The following IGSF21 variants were observed in gnomAD, a reference collection of about 807,000 sequenced individuals.
IGSF21 encodes immunoglobulin superfamily member 21.
IGSF21 carries 28 observed loss-of-function variants against 46.8 expected under a neutral mutation model. That is an observed-to-expected ratio of 0.60 (90% CI 0.44 to 0.82). The LOEUF (loss-of-function observed/expected upper bound fraction) is 0.82, where lower values mean the gene tolerates loss of function less well. IGSF21 is among the 40% of genes least tolerant of loss of function. The pLI is 0.00. For synonymous variants in IGSF21, 284 were observed against 273.6 expected (o/e 1.04, Z -0.38); for missense variants, 624 against 665.5 (o/e 0.94, Z 0.69).
intron 3 of IGSF21, among the ~76,000 whole-genome samples, chr1:18,308,126 G>T (rs535578812): frequency 6.6e-6 from 1 of 152,018 alleles, no homozygotes; most frequent in Non-Finnish European, 1.5e-5. Context: ...CTGGAGGGAG[G>T]GGCCATGTCC....
chr1:18,227,766 T>C (rs2084583171), intron 1 of IGSF21, 132 bp from the exon 2 acceptor site: 1 of 669,414 alleles, frequency 1.5e-6, no homozygotes, highest in South Asian at 1.6e-5. Context: ...GTGAACAGCG[T>C]CCCTCAAAGT....
Position 18,217,433 on chromosome 1 carries a change from C to T in IGSF21, c.71-10465C>T, listed in dbSNP as rs2084460707. Among the ~76,000 whole-genome samples, 3 of 152,232 alleles carry T rather than the reference C, an allele frequency of 2.0e-5. No individual in the cohort carries two copies. In the South Asian group the frequency reaches 6.2e-4, roughly 32 times the overall value. On this transcript the variant is annotated intron_variant, in intron 1 of 9. Transcript: ENST00000251296. Reference sequence around the variant, plus strand: ...CTGGTCCTGAGCTAGGTTCAGAGGACTGTGTGTCAGAGATGTGGCGGAACA... The same window carrying T: ...CTGGTCCTGAGCTAGGTTCAGAGGATTGTGTGTCAGAGATGTGGCGGAACA...
chr1:18,233,414 T>C (rs2084646176), intron 2 of IGSF21, among the ~76,000 whole-genome samples: 1 of 152,202 alleles, frequency 6.6e-6, no homozygotes, highest in Admixed American at 6.5e-5. Context: ...GACTAGAGGC[T>C]GGGAAGGCTG....
Position 18,161,732 on chromosome 1 carries a change from T to G in IGSF21, c.70+53534T>G, listed in dbSNP as rs141746764. On this transcript the variant is annotated intron_variant, in intron 1 of 9. Coordinates refer to ENST00000251296, the MANE Select transcript of IGSF21 (RefSeq NM_032880.5). Reference sequence around the variant, plus strand: ...AGACAGATGTGCTCCCAACTTACACTGATACAGTCTCGCGTGGCGGTGGGA... The same window carrying G: ...AGACAGATGTGCTCCCAACTTACACGGATACAGTCTCGCGTGGCGGTGGGA... Among the ~76,000 whole-genome samples, 449 of 152,204 alleles carry G rather than the reference T, an allele frequency of 2.9e-3. 1 individual carries two copies. The highest frequency in any genetic ancestry group is 0.01 in the African/African-American group (419 of 41,526).
intron 6 of IGSF21, among the ~76,000 whole-genome samples, chr1:18,368,493 A>G (rs2086190156): frequency 6.8e-6 from 1 of 147,648 alleles, no homozygotes. Flanking sequence ...CCTAGGTGAT[A>G]GAGTGAGACT....
At chr1:18,121,572 C>T (rs896135866) in intron 1 of IGSF21, among the ~76,000 whole-genome samples, 1 of 152,178 alleles carries the variant, frequency 6.6e-6, no homozygotes, top group Non-Finnish European at 1.5e-5. Flanking sequence ...TCTTCCCTGG[C>T]TCATTCTCTA....
At chr1:18,215,630 G>A (rs914902466) in intron 1 of IGSF21, among the ~76,000 whole-genome samples, 1 of 152,192 alleles carries the variant, frequency 6.6e-6, no homozygotes, top group African/African-American at 2.4e-5. Context: ...CCAGTGGCCC[G>A]ATGCAGCCTG....
intron 4 of IGSF21, among the ~76,000 whole-genome samples, chr1:18,354,027 A>G (rs2085988196): frequency 3.3e-5 from 5 of 152,254 alleles, no homozygotes; most frequent in Admixed American, 3.3e-4. Context: ...TCCAACTTCC[A>G]GGGAACACGC....
At chr1:18,349,482 A>G (rs1557655151) in intron 4 of IGSF21, among the ~76,000 whole-genome samples, 1 of 152,164 alleles carries the variant, frequency 6.6e-6, no homozygotes. Flanking sequence ...AGGCTGGTGA[A>G]GAGATAGGAC....
At chr1:18,295,809 G>A (rs1380414922) in intron 3 of IGSF21, among the ~76,000 whole-genome samples, 2 of 152,206 alleles carry the variant, frequency 1.3e-5, no homozygotes, top group African/African-American at 2.4e-5. Context: ...ACGCCACCCC[G>A]GGAGCAGCCT....
At chr1:18,333,214 A>G (rs1317689571) in intron 3 of IGSF21, among the ~76,000 whole-genome samples, 1 of 152,178 alleles carries the variant, frequency 6.6e-6, no homozygotes, top group Non-Finnish European at 1.5e-5. Flanking sequence ...ATCCCTTCCC[A>G]TAGTTTTCTG....
intron 3 of IGSF21, among the ~76,000 whole-genome samples, chr1:18,295,094 T>C (rs2085300166): frequency 6.6e-6 from 1 of 152,154 alleles, no homozygotes; most frequent in Non-Finnish European, 1.5e-5. Context: ...CAAGGACTCC[T>C]GGAGCTTTTT....
At position 18,177,245 on chromosome 1, in the gene IGSF21, GC is replaced by G. The variant is rs143505040; in HGVS notation, c.71-50652del. On this transcript the variant is annotated intron_variant, in intron 1 of 9. Coordinates refer to ENST00000251296, the MANE Select transcript of IGSF21 (RefSeq NM_032880.5). Reference sequence around the variant, plus strand: ...AGAGTCAGTAATAATCCAATAATGGGCACTTTCTGAAGGACTCAGACAACAG... The same window carrying G: ...AGAGTCAGTAATAATCCAATAATGGGACTTTCTGAAGGACTCAGACAACAG... Among the ~76,000 whole-genome samples, 936 of 152,342 alleles carry G rather than the reference GC, an allele frequency of 6.1e-3. 9 individuals carry two copies. Among genetic ancestry groups the G allele is most frequent in the African/African-American group, 0.022 (895 of 41,574 alleles).
intron 2 of IGSF21, among the ~76,000 whole-genome samples, chr1:18,287,616 T>C (rs541833071): frequency 6.6e-6 from 1 of 152,310 alleles, no homozygotes; most frequent in South Asian, 2.1e-4. Context: ...CCTTGTCACC[T>C]CTGTGGTTGT....
In IGSF21 at chr1:18,346,428, A is replaced by G. The variant is rs74058119; in HGVS notation, c.424+11418A>G. ...GGCGTAGAGGAAATGCTTGGCCCAG[A>G]TGCTGGCATCATTGTTAGGACAGGG... On this transcript the variant is annotated intron_variant, in intron 4 of 9. Transcript: ENST00000251296. Among the ~76,000 whole-genome samples, 1,517 of 152,240 alleles carry G rather than the reference A, an allele frequency of 1.0e-2. 25 individuals carry two copies. The highest frequency in any genetic ancestry group is 0.033 in the African/African-American group (1,384 of 41,534).
intron 2 of IGSF21, among the ~76,000 whole-genome samples, chr1:18,285,620 A>G (rs2085205633): frequency 6.6e-6 from 1 of 152,106 alleles, no homozygotes; most frequent in Admixed American, 6.6e-5. Flanking sequence ...GCCTCTCAGA[A>G]ACTTCTACAC....
At chr1:18,270,761 C>T (rs1296479353) in intron 2 of IGSF21, among the ~76,000 whole-genome samples, 1 of 152,058 alleles carries the variant, frequency 6.6e-6, no homozygotes, top group African/African-American at 2.4e-5. Context: ...TCCTTCACAT[C>T]AGTGTCCATC....
Position 18,177,440 on chromosome 1 carries a change from T to C in IGSF21, c.71-50458T>C, listed in dbSNP as rs572236094. Among the ~76,000 whole-genome samples the C allele has an allele frequency of 5.9e-4, 90 of 151,410 alleles. 4 individuals carry two copies. The South Asian group carries it at 0.017, about 29-fold the overall frequency. On this transcript the variant is annotated intron_variant, in intron 1 of 9. Coordinates refer to ENST00000251296, the MANE Select transcript of IGSF21 (RefSeq NM_032880.5). Reference sequence around the variant, plus strand: ...GTGTGTGTGTGTGTGTGTGTGTACATGGTTCTTGGTACATATGCATAAACC... The same window carrying C: ...GTGTGTGTGTGTGTGTGTGTGTACACGGTTCTTGGTACATATGCATAAACC...
intron 1 of IGSF21, among the ~76,000 whole-genome samples, chr1:18,210,179 C>T (rs745744060): frequency 7.9e-5 from 12 of 152,050 alleles, no homozygotes; most frequent in Non-Finnish European, 1.5e-4. Flanking sequence ...ATATGAAGAC[C>T]GGATTGCTTC....
Sources: gnomAD v4.1 joint callset for allele counts (sites outside exome capture counted in the v4.1 genomes callset) on GRCh38, gnomAD v4.1.1 for gene constraint, MANE v1.5 for transcripts, NCBI Gene and HGNC (gene_info 2026-07-23, HGNC 2026-07-21) for gene names.